HS6ST3: variants seen among roughly 807,000 people sequenced by gnomAD.
The protein encoded by HS6ST3 is heparan-sulfate 6-O-sulfotransferase 3.
Under a neutral mutation model 36.7 loss-of-function variants are expected in HS6ST3, and 12 were observed. That is an observed-to-expected ratio of 0.33 (90% confidence interval 0.21 to 0.53). The LOEUF is 0.53. Ranked by LOEUF, HS6ST3 falls within the 20% of genes least tolerant of loss-of-function variation. HS6ST3 has a pLI of 0.95. For synonymous variants in HS6ST3, 240 were observed against 257.5 expected, an observed-to-expected ratio of 0.93 and a Z score of 0.65; for missense variants, 584 against 640.9, an observed-to-expected ratio of 0.91 and a Z score of 0.96.
intron 1 of HS6ST3, among the ~76,000 whole-genome samples, chr13:96,348,629 G>A (rs2055167292): frequency 6.6e-6 from 1 of 152,210 alleles, no homozygotes; most frequent in Non-Finnish European, 1.5e-5. Flanking sequence ...AGGTACTTGA[G>A]CTTGTTTTTA....
intron 1 of HS6ST3, among the ~76,000 whole-genome samples, chr13:96,793,651 T>C (rs1877843835): frequency 6.6e-6 from 1 of 152,114 alleles, no homozygotes; most frequent in Non-Finnish European, 1.5e-5. Context: ...CCTCAATGTT[T>C]CCTGCCAGCT....
intron 1 of HS6ST3, among the ~76,000 whole-genome samples, chr13:96,280,384 T>C (rs571918527): frequency 6.6e-6 from 1 of 152,280 alleles, no homozygotes; most frequent in South Asian, 2.1e-4. Context: ...TTATTATTTC[T>C]ATCAGCAAAG....
At chr13:96,593,892 C>T (rs2056392311) in intron 1 of HS6ST3, among the ~76,000 whole-genome samples, 1 of 151,802 alleles carries the variant, frequency 6.6e-6, no homozygotes, top group South Asian at 2.1e-4. Context: ...TCCATCCTTT[C>T]ACCTTTAGTC....
intron 1 of HS6ST3, among the ~76,000 whole-genome samples, chr13:96,392,518 T>C (rs556274611): frequency 6.6e-6 from 1 of 152,126 alleles, no homozygotes; most frequent in African/African-American, 2.4e-5. Flanking sequence ...AGAGCGTTGG[T>C]TTGAAGGAAG....
chr13:96,746,753 T>G (rs1201099820), intron 1 of HS6ST3, among the ~76,000 whole-genome samples: 1 of 152,114 alleles, frequency 6.6e-6, no homozygotes, highest in Non-Finnish European at 1.5e-5. Context: ...CCCCTGGAAC[T>G]CTAATCTAAT....
intron 1 of HS6ST3, among the ~76,000 whole-genome samples, chr13:96,654,474 C>G (rs1451349475): frequency 6.6e-6 from 1 of 152,100 alleles, no homozygotes; most frequent in Non-Finnish European, 1.5e-5. Context: ...GAATCCTTTC[C>G]CCATTGCTTG....
intron 1 of HS6ST3, among the ~76,000 whole-genome samples, chr13:96,320,988 TG>T (rs2055000324): frequency 6.6e-6 from 1 of 152,184 alleles, no homozygotes; most frequent in African/African-American, 2.4e-5. Context: ...TTCCTGGGGC[TG>T]GTGCATGCAG....
At chr13:96,466,727 T>C (rs1053129078) in intron 1 of HS6ST3, among the ~76,000 whole-genome samples, 1 of 152,068 alleles carries the variant, frequency 6.6e-6, no homozygotes, top group Non-Finnish European at 1.5e-5. Flanking sequence ...TCACAGTACA[T>C]GCATGTATCA....
At chr13:96,317,589 G>A (rs140652846) in intron 1 of HS6ST3, among the ~76,000 whole-genome samples, 132 of 151,484 alleles carry the variant, frequency 8.7e-4, no homozygotes, top group African/African-American at 3.1e-3. Flanking sequence ...TAATGGGATT[G>A]CTGACTTGAA....
intron 1 of HS6ST3, among the ~76,000 whole-genome samples, chr13:96,405,250 C>T (rs889815353): frequency 2.0e-5 from 3 of 152,016 alleles, no homozygotes; most frequent in African/African-American, 7.2e-5. Context: ...ATTTTATGTC[C>T]GTATATGCCA....
At chr13:96,202,978 T>G (rs2139352431) in intron 1 of HS6ST3, among the ~76,000 whole-genome samples, 1 of 152,334 alleles carries the variant, frequency 6.6e-6, no homozygotes, top group South Asian at 2.1e-4. Context: ...CTTCCCATTC[T>G]TTCAGTTCTT....
chr13:96,747,324 G>T (rs1251660464), intron 1 of HS6ST3, among the ~76,000 whole-genome samples: 1 of 152,054 alleles, frequency 6.6e-6, no homozygotes, highest in African/African-American at 2.4e-5. Flanking sequence ...ATTATATTTA[G>T]CTTTTGGCGG....
intron 1 of HS6ST3, among the ~76,000 whole-genome samples, chr13:96,418,678 G>A (rs1234782642): frequency 6.6e-6 from 1 of 152,196 alleles, no homozygotes; most frequent in Non-Finnish European, 1.5e-5. Flanking sequence ...TGTCCCAGGT[G>A]CTGCAAATAC....
Position 96,336,197 on chromosome 13 carries a change from A to G in HS6ST3, c.707+244628A>G, listed in dbSNP as rs2139423674. On this transcript the variant is annotated intron_variant, in intron 1 of 1. Transcript: ENST00000376705. The stretch of plus-strand genomic sequence containing the variant: ...AAAAAAGGACAACTAGTTCTATAAG[A>G]CTTTTAACAGAAAAGTAATTCCCTG... Among the ~76,000 whole-genome samples, 6 of 152,296 alleles carry G rather than the reference A, an allele frequency of 3.9e-5. 1 individual carries two copies. The Middle Eastern group carries it at 0.02, about 518-fold the overall frequency.
chr13:96,386,079 G>A (rs915731335), intron 1 of HS6ST3, among the ~76,000 whole-genome samples: 8 of 152,232 alleles, frequency 5.3e-5, no homozygotes, highest in Admixed American at 1.3e-4. Flanking sequence ...AGGAGACCAG[G>A]AATAAATTGT....
chr13:96,634,502 C>T (rs2139002727), intron 1 of HS6ST3, among the ~76,000 whole-genome samples: 1 of 152,256 alleles, frequency 6.6e-6, no homozygotes, highest in South Asian at 2.1e-4. Flanking sequence ...GACTTAGTCT[C>T]CTCCATTCAT....
At chr13:96,134,662 A>T (rs2053992571) in intron 1 of HS6ST3, among the ~76,000 whole-genome samples, 1 of 152,108 alleles carries the variant, frequency 6.6e-6, no homozygotes, top group African/African-American at 2.4e-5. Context: ...ACACACAAGC[A>T]TTTTGTTGGT....
rs200597659 is a variant in HS6ST3 at position 96,833,082 on chromosome 13, C to A, written c.1300C>A (p.Arg434=). The A allele has an allele frequency of 3.7e-6, 6 of 1,611,162 alleles. No individual in the cohort carries two copies. The Admixed American group carries it at 1.0e-4, about 27-fold the overall frequency. ...QLEHQRDRQK[R]REERRLQREH... ...AGAGCACCAGAGGGACCGCCAGAAG[C>A]GGCGGGAGGAGCGGAGGCTGCAGCG... The change falls in exon 2 of 2, where the codon CGG becomes AGG. Residue 434 remains arginine (R), a synonymous_variant. Transcript: ENST00000376705.
At chr13:96,326,167 CTTTT>C (rs11334148) in intron 1 of HS6ST3, among the ~76,000 whole-genome samples, 1 of 137,632 alleles carries the variant, frequency 7.3e-6, no homozygotes, top group Non-Finnish European at 1.6e-5. Flanking sequence ...TTCATTTTTT[CTTTT>C]TTTTTTTAAT....
Sources: allele counts gnomAD v4.1 joint callset (sites outside exome capture counted in the v4.1 genomes callset), GRCh38; gene constraint gnomAD v4.1.1; transcripts MANE v1.5; gene names NCBI Gene and HGNC (gene_info 2026-07-23, HGNC 2026-07-21).